The following CREB5 variants were observed in gnomAD, a reference collection of about 807,000 sequenced individuals.
CREB5 encodes the protein cyclic AMP-responsive element-binding protein 5.
Under a neutral mutation model 57.1 loss-of-function variants are expected in CREB5, and 19 were observed. The observed-to-expected ratio is 0.33, with a 90% confidence interval of 0.23 to 0.49. The LOEUF (loss-of-function observed/expected upper bound fraction) is 0.49, where lower values mean the gene tolerates loss of function less well. Among genes scored for constraint, CREB5 ranks in the 20% least tolerant of loss-of-function variants. CREB5 has a pLI of 0.99. For synonymous variants in CREB5, 238 were observed against 238.3 expected, an observed-to-expected ratio of 1.00 and a Z score of 0.01; for missense variants, 579 against 671.6, an observed-to-expected ratio of 0.86 and a Z score of 1.52.
chr7:28,434,479 A>T (rs1788860657), intron 1 of CREB5, among the ~76,000 whole-genome samples: 2 of 152,160 alleles, frequency 1.3e-5, no homozygotes, highest in South Asian at 4.1e-4. Flanking sequence ...TTCTTACAAT[A>T]TAGAAACAAC....
chr7:28,526,312 T>G (rs1042515792), intron 4 of CREB5, among the ~76,000 whole-genome samples: 1 of 151,972 alleles, frequency 6.6e-6, no homozygotes, highest in African/African-American at 2.4e-5. Context: ...TATTTATTTT[T>G]AGGAAGGTTT....
chr7:28,776,785 A>T (rs1452444041), intron 7 of CREB5, among the ~76,000 whole-genome samples: 1 of 152,066 alleles, frequency 6.6e-6, no homozygotes, highest in Non-Finnish European at 1.5e-5. Flanking sequence ...TAAAAATGGG[A>T]TCTGTTATAT....
Position 28,543,041 on chromosome 7 carries a change from C to CT in CREB5, c.292-27315dup, listed in dbSNP as rs992904531. 4.6e-5 allele frequency among the ~76,000 whole-genome samples: 7 copies of CT among 151,692 alleles called. No homozygotes were observed. The South Asian group carries it at 1.0e-3, about 23-fold the overall frequency. Reference sequence around the variant, plus strand: ...TCATGCATACCTTATACTCATATAACTTTTTTTTTAAGTTTACAGAGTGTT... The same window carrying CT: ...TCATGCATACCTTATACTCATATAACTTTTTTTTTTAAGTTTACAGAGTGTT... On this transcript the variant is annotated intron_variant, in intron 4 of 10. Coordinates refer to ENST00000357727, the MANE Select transcript of CREB5 (RefSeq NM_182898.4).
intron 1 of CREB5, among the ~76,000 whole-genome samples, chr7:28,354,501 A>G (rs1203194880): frequency 6.6e-6 from 1 of 152,148 alleles, no homozygotes; most frequent in Non-Finnish European, 1.5e-5. Flanking sequence ...CAGACGGCGT[A>G]TTGTGGGACT....
intron 6 of CREB5, among the ~76,000 whole-genome samples, chr7:28,721,682 T>A (rs1318420433): frequency 6.6e-6 from 1 of 152,250 alleles, no homozygotes; most frequent in African/African-American, 2.4e-5. Flanking sequence ...ATCCATTTCA[T>A]AAACTTGTTG....
chr7:28,421,224 T>C (rs2128009629), intron 1 of CREB5, among the ~76,000 whole-genome samples: 1 of 152,294 alleles, frequency 6.6e-6, no homozygotes, highest in Non-Finnish European at 1.5e-5. Context: ...CTTCCACTTA[T>C]AAATGAGAAC....
intron 5 of CREB5, among the ~76,000 whole-genome samples, chr7:28,575,951 T>C (rs1795894585): frequency 6.6e-6 from 1 of 152,212 alleles, no homozygotes; most frequent in Non-Finnish European, 1.5e-5. Context: ...GGAAATATAA[T>C]GTTTCTTAAC....
chr7:28,623,949 A>G (rs917987749), intron 5 of CREB5, among the ~76,000 whole-genome samples: 2 of 152,188 alleles, frequency 1.3e-5, no homozygotes, highest in Admixed American at 1.3e-4. Flanking sequence ...ATCAAAACCC[A>G]GGGATATGAT....
intron 5 of CREB5, among the ~76,000 whole-genome samples, chr7:28,688,632 G>C (rs571821980): frequency 6.6e-6 from 1 of 152,240 alleles, no homozygotes; most frequent in East Asian, 1.9e-4. Context: ...TTATTATAAA[G>C]TATATATTTA....
At chr7:28,560,965 T>TGCGTGCGCGCGCGTGC (rs1554344532) in intron 4 of CREB5, among the ~76,000 whole-genome samples, 2 of 36,378 alleles carry the variant, frequency 5.5e-5, no homozygotes, top group East Asian at 5.9e-4. Context: ...TGTGTGCGTG[T>TGCGTGCGCGCGCGTGC]GTGTGTGCGT....
At chr7:28,483,901 C>G (rs1338228503) in intron 1 of CREB5, among the ~76,000 whole-genome samples, 1 of 152,186 alleles carries the variant, frequency 6.6e-6, no homozygotes, top group Admixed American at 6.5e-5. Flanking sequence ...ATCCCCAAAA[C>G]TACTTACCTC....
intron 5 of CREB5, among the ~76,000 whole-genome samples, chr7:28,670,093 G>A (rs1799969795): frequency 6.6e-6 from 1 of 152,100 alleles, no homozygotes; most frequent in East Asian, 1.9e-4. Context: ...TGTCTACAGG[G>A]GACACTTTTC....
chr7:28,375,126 A>G (rs1173497619), intron 1 of CREB5, among the ~76,000 whole-genome samples: 1 of 152,248 alleles, frequency 6.6e-6, no homozygotes, highest in African/African-American at 2.4e-5. Context: ...GCATACCTCC[A>G]TAAAGCTGTA....
chr7:28,795,763 T>TTTC (rs1407893650), intron 7 of CREB5, among the ~76,000 whole-genome samples: 2 of 151,232 alleles, frequency 1.3e-5, no homozygotes, highest in Non-Finnish European at 3.0e-5. Flanking sequence ...TTCTTTTTTT[T>TTTC]TTTTTTTGAG....
chr7:28,813,103 G>T (rs545052181), intron 9 of CREB5, among the ~76,000 whole-genome samples: 1 of 152,366 alleles, frequency 6.6e-6, no homozygotes, highest in East Asian at 1.9e-4. Context: ...CTGACATTTT[G>T]TGGAGAAAGA....
At chr7:28,338,873 T>G (rs1432273415) in intron 1 of CREB5, among the ~76,000 whole-genome samples, 1 of 152,028 alleles carries the variant, frequency 6.6e-6, no homozygotes, top group East Asian at 1.9e-4. Context: ...AGCTCACTAA[T>G]TTTTTCTTCT....
At chr7:28,519,447 C>T (rs1303328479) in intron 4 of CREB5, among the ~76,000 whole-genome samples, 3 of 152,200 alleles carry the variant, frequency 2.0e-5, no homozygotes, top group Non-Finnish European at 4.4e-5. Context: ...CAAAGTATAA[C>T]TACCTGCTGC....
intron 9 of CREB5, among the ~76,000 whole-genome samples, chr7:28,815,393 T>TTACTTACAACATA (rs1809378155): frequency 6.6e-6 from 1 of 152,240 alleles, no homozygotes; most frequent in East Asian, 1.9e-4. Flanking sequence ...CACTCAGGCC[T>TTACTTACAACATA]TTGGTCTCTG....
intron 1 of CREB5, among the ~76,000 whole-genome samples, chr7:28,413,923 A>G (rs1426291199): frequency 1.3e-5 from 2 of 152,146 alleles, no homozygotes; most frequent in African/African-American, 2.4e-5. Flanking sequence ...CTAGACTCCC[A>G]ATTTCTTACT....
Sources: gnomAD v4.1 joint callset for allele counts (sites outside exome capture counted in the v4.1 genomes callset) on GRCh38, gnomAD v4.1.1 for gene constraint, MANE v1.5 for transcripts, NCBI Gene and HGNC (gene_info 2026-07-23, HGNC 2026-07-21) for gene names.